STK32B: variants seen among roughly 807,000 people sequenced by gnomAD.
The protein encoded by STK32B is serine/threonine kinase 32B.
In STK32B, 43 loss-of-function variants were observed where a neutral mutation model predicts 52.6. The observed-to-expected ratio is 0.82, with a 90% CI of 0.64 to 1.05. The LOEUF (loss-of-function observed/expected upper bound fraction) is 1.05, where lower values mean the gene tolerates loss of function less well. STK32B is among the 50% of genes least tolerant of loss of function. The probability of loss-of-function intolerance (pLI) is 0.00; values close to 1 mark genes in which losing one functional copy is unlikely to be tolerated. For missense variants in STK32B, 621 were observed against 534.6 expected, an observed-to-expected ratio of 1.16 and a Z score of -1.59; for synonymous variants, 238 against 204.3, an observed-to-expected ratio of 1.17 and a Z score of -1.41.
At chr4:5,084,320 C>T (rs977786654) in intron 1 of STK32B, among the ~76,000 whole-genome samples, 1 of 152,154 alleles carries the variant, frequency 6.6e-6, no homozygotes, top group Non-Finnish European at 1.5e-5. Context: ...TGCTGAGCGC[C>T]TTCTGCCAAA....
chr4:5,175,696 G>A (rs1233064861), intron 3 of STK32B, among the ~76,000 whole-genome samples: 1 of 152,174 alleles, frequency 6.6e-6, no homozygotes, highest in Non-Finnish European at 1.5e-5. Context: ...GCCGTGTGAG[G>A]TGTCAATCTG....
intron 6 of STK32B, among the ~76,000 whole-genome samples, chr4:5,442,342 C>T (rs1714865880): frequency 1.3e-5 from 2 of 152,114 alleles, no homozygotes; most frequent in South Asian, 2.1e-4. Flanking sequence ...TGAATTGATC[C>T]CTTTACCATT....
intron 1 of STK32B, among the ~76,000 whole-genome samples, chr4:5,072,065 G>A (rs1215655634): frequency 1.3e-5 from 2 of 152,100 alleles, no homozygotes; most frequent in East Asian, 3.8e-4. Flanking sequence ...TAATTAATGG[G>A]AATACGGTGT....
At chr4:5,388,530 G>C (rs533308144) in intron 4 of STK32B, among the ~76,000 whole-genome samples, 1 of 152,156 alleles carries the variant, frequency 6.6e-6, no homozygotes, top group Admixed American at 6.5e-5. Context: ...CTGCAGGACC[G>C]TAGGACCCCA....
intron 1 of STK32B, among the ~76,000 whole-genome samples, chr4:5,103,404 A>G (rs2108796426): frequency 6.6e-6 from 1 of 152,258 alleles, no homozygotes; most frequent in African/African-American, 2.4e-5. Context: ...AAACTCTACC[A>G]AACTGAAATT....
intron 3 of STK32B, among the ~76,000 whole-genome samples, chr4:5,229,210 C>G (rs944121171): frequency 7.8e-6 from 1 of 128,848 alleles, no homozygotes; most frequent in African/African-American, 2.9e-5. Flanking sequence ...AAATGAGGTA[C>G]GTCTATATTT....
chr4:5,319,983 C>T (rs114782427), intron 3 of STK32B, among the ~76,000 whole-genome samples: 3,116 of 152,262 alleles, frequency 0.02, 46 homozygotes, highest in Non-Finnish European at 0.033. Context: ...ACTCTAGCTG[C>T]AAGGGAGTCT....
intron 2 of STK32B, among the ~76,000 whole-genome samples, chr4:5,167,869 G>C (rs1262284669): frequency 2.6e-5 from 4 of 152,232 alleles, no homozygotes; most frequent in African/African-American, 7.2e-5. Flanking sequence ...AGTCAGGCAG[G>C]TAGGTGCAGA....
At chr4:5,495,849 C>G (rs1285207737) in intron 11 of STK32B, among the ~76,000 whole-genome samples, 3 of 152,150 alleles carry the variant, frequency 2.0e-5, no homozygotes, top group Admixed American at 6.5e-5. Context: ...CACTCCAGAC[C>G]CTGTTTGCCT....
At chr4:5,161,830 TC>T (rs1553841070) in intron 2 of STK32B, among the ~76,000 whole-genome samples, 1 of 152,218 alleles carries the variant, frequency 6.6e-6, no homozygotes, top group African/African-American at 2.4e-5. Context: ...TTGTTTTTCT[TC>T]CCCCTACCCC....
Position 5,315,191 on chromosome 4 carries a change from A to G in STK32B, c.261-16029A>G, listed in dbSNP as rs568782034. Reference sequence around the variant, plus strand: ...ATGAACAGACATTTCCCAGAAGAGGACATACAAATAAACACATGAAAAAGT... The same window carrying G: ...ATGAACAGACATTTCCCAGAAGAGGGCATACAAATAAACACATGAAAAAGT... On this transcript the variant is annotated intron_variant, in intron 3 of 11. Transcript: ENST00000282908. 2.0e-5 allele frequency among the ~76,000 whole-genome samples: 3 copies of G among 152,326 alleles called. No homozygotes were observed. The East Asian group carries it at 5.8e-4, about 29-fold the overall frequency.
Position 5,500,907 on chromosome 4 carries a change from A to G in STK32B, c.*1824A>G, listed in dbSNP as rs531604858. 9.9e-5 allele frequency: 15 copies of G among 152,246 alleles called. No individual in the cohort carries two copies. Among genetic ancestry groups the G allele is most frequent in the Admixed American group, 9.8e-4 (15 of 15,294 alleles). 9.4% of individuals were successfully genotyped at this position (152,246 alleles called of 1,614,324 possible). On this transcript the variant is annotated 3_prime_UTR_variant, in exon 12 of 12. Transcript: ENST00000282908. ...GCTGAGTTCACGAATTAGGGGCAGGAGCTGGAAGTCGCCCTAGGAACACCA... is the reference window on the plus strand; with the variant it reads ...GCTGAGTTCACGAATTAGGGGCAGGGGCTGGAAGTCGCCCTAGGAACACCA...
intron 3 of STK32B, among the ~76,000 whole-genome samples, chr4:5,235,124 C>G (rs1178699745): frequency 6.6e-6 from 1 of 152,222 alleles, no homozygotes; most frequent in Non-Finnish European, 1.5e-5. Context: ...GACTTAGATT[C>G]ATCCTTTACT....
At chr4:5,080,092 A>G (rs1712325165) in intron 1 of STK32B, among the ~76,000 whole-genome samples, 1 of 151,806 alleles carries the variant, frequency 6.6e-6, no homozygotes, top group African/African-American at 2.4e-5. Flanking sequence ...AGGTCTCAGC[A>G]CAGAAGCCAG....
At chr4:5,368,466 A>G (rs1031757954) in intron 4 of STK32B, among the ~76,000 whole-genome samples, 6 of 151,738 alleles carry the variant, frequency 4.0e-5, no homozygotes, top group African/African-American at 1.5e-4. Context: ...ATTCCTAATT[A>G]TAAATGATAA....
chr4:5,278,497 A>G (rs1332842401), intron 3 of STK32B, among the ~76,000 whole-genome samples: 1 of 152,182 alleles, frequency 6.6e-6, no homozygotes, highest in East Asian at 1.9e-4. Context: ...TTCATTAAAG[A>G]GTCAACTAGA....
chr4:5,131,901 G>T (rs531247026), intron 1 of STK32B, among the ~76,000 whole-genome samples: 2 of 152,296 alleles, frequency 1.3e-5, no homozygotes, highest in Non-Finnish European at 2.9e-5. Context: ...GTTGGAATCT[G>T]TATACATTAC....
chr4:5,223,772 G>C (rs1298661386), intron 3 of STK32B, among the ~76,000 whole-genome samples: 2 of 146,828 alleles, frequency 1.4e-5, no homozygotes, highest in Non-Finnish European at 3.0e-5. Flanking sequence ...AGCCGAGATT[G>C]TGCCACTGCA....
At chr4:5,257,216 T>G (rs1373790980) in intron 3 of STK32B, among the ~76,000 whole-genome samples, 2 of 151,836 alleles carry the variant, frequency 1.3e-5, no homozygotes, top group Non-Finnish European at 2.9e-5. Context: ...AGTGAGCAAG[T>G]GATTATGTGA....
Sources: gnomAD v4.1 joint callset for allele counts (sites outside exome capture counted in the v4.1 genomes callset) on GRCh38, gnomAD v4.1.1 for gene constraint, MANE v1.5 for transcripts, NCBI Gene and HGNC (gene_info 2026-07-23, HGNC 2026-07-21) for gene names.